Variants in PRIM2 observed in about 807,000 individuals in gnomAD.
PRIM2 encodes the protein DNA primase large subunit.
PRIM2 carries 39 observed loss-of-function variants against 67.3 expected under a neutral mutation model. The ratio of observed to expected loss-of-function variants is 0.58; its 90% CI spans 0.45 to 0.76. The LOEUF is 0.76. Ranked by LOEUF, PRIM2 falls within the 30% of genes least tolerant of loss-of-function variation. The pLI is 0.00. For missense variants in PRIM2, 398 were observed against 598.7 expected (o/e 0.66, Z 3.50); for synonymous variants, 143 against 198.7 (o/e 0.72, Z 2.36).
chr6:57,404,754 C>A (rs1399200729), intron 7 of PRIM2, among the ~76,000 whole-genome samples: 1 of 147,416 alleles, frequency 6.8e-6, no homozygotes, highest in East Asian at 2.0e-4. Flanking sequence ...GGTTTAAAGT[C>A]TAGCTACCTT....
At chr6:57,471,527 G>A (rs1249817127) in intron 7 of PRIM2, among the ~76,000 whole-genome samples, 1 of 152,154 alleles carries the variant, frequency 6.6e-6, no homozygotes, top group Non-Finnish European at 1.5e-5. Flanking sequence ...TGGTGAGGAA[G>A]GAAGAAAGAA....
intron 7 of PRIM2, among the ~76,000 whole-genome samples, chr6:57,461,828 C>T (rs1230742301): frequency 6.2e-4 from 94 of 152,192 alleles, no homozygotes; most frequent in African/African-American, 2.3e-3. Context: ...GAAATGATCA[C>T]TGAGAAATTA....
At chr6:57,228,574 C>A in the PRIM2 span, among the ~76,000 whole-genome samples, 1 of 152,318 alleles carries the variant, frequency 6.6e-6, no homozygotes, top group Non-Finnish European at 1.5e-5. Flanking sequence ...AAAGATGAGA[C>A]ATGTGCGATA....
chr6:57,458,277 C>A (rs1292887394), intron 7 of PRIM2, among the ~76,000 whole-genome samples: 3 of 152,170 alleles, frequency 2.0e-5, no homozygotes, highest in Non-Finnish European at 2.9e-5. Flanking sequence ...AGCTTTCAAT[C>A]AAAAGTTACG....
chr6:57,497,196 T>A (rs1774024513), intron 7 of PRIM2, among the ~76,000 whole-genome samples: 1 of 152,168 alleles, frequency 6.6e-6, no homozygotes, highest in African/African-American at 2.4e-5. Flanking sequence ...AGTTGATGGT[T>A]AGGGCATAAA....
chr6:57,509,758 A>T (rs1774322937), intron 8 of PRIM2, among the ~76,000 whole-genome samples: 1 of 150,710 alleles, frequency 6.6e-6, no homozygotes, highest in African/African-American at 2.4e-5. Flanking sequence ...TATTTATGTA[A>T]ATTTGTAGAT....
chr6:57,643,933 C>A (rs1484803707), intron 13 of PRIM2, among the ~76,000 whole-genome samples: 1 of 152,122 alleles, frequency 6.6e-6, no homozygotes, highest in Non-Finnish European at 1.5e-5. Flanking sequence ...TAAGTATTAC[C>A]AGAAAAGACT....
chr6:57,311,892 C>A (rs963659114), upstream of PRIM2, among the ~76,000 whole-genome samples: 1 of 151,760 alleles, frequency 6.6e-6, no homozygotes. Flanking sequence ...TCAGGAGTGG[C>A]GGCGCGTGCC....
the PRIM2 span, among the ~76,000 whole-genome samples, chr6:57,234,303 G>T: frequency 6.6e-6 from 1 of 152,062 alleles, no homozygotes; most frequent in African/African-American, 2.4e-5. Flanking sequence ...AAACACAAAA[G>T]GGTATCTACT....
At chr6:57,343,414 G>A (rs60682850) in intron 5 of PRIM2, among the ~76,000 whole-genome samples, 5,188 of 152,238 alleles carry the variant, frequency 0.034, 291 homozygotes, top group African/African-American at 0.12. Context: ...AAGTTGCAAA[G>A]CAATTTTTGT....
intron 5 of PRIM2, among the ~76,000 whole-genome samples, chr6:57,339,248 A>T (rs574283524): frequency 6.6e-6 from 1 of 152,340 alleles, no homozygotes; most frequent in South Asian, 2.1e-4. Context: ...CATGGGTAGG[A>T]AGAATCAATA....
intron 7 of PRIM2, among the ~76,000 whole-genome samples, chr6:57,433,000 GAC>G (rs1411056093): frequency 3.9e-5 from 6 of 152,270 alleles, no homozygotes; most frequent in Admixed American, 2.6e-4. Context: ...ATCAGGAGTT[GAC>G]ACACTAAAGC....
chr6:57,344,938 T>C (rs2127296507), intron 5 of PRIM2, among the ~76,000 whole-genome samples: 1 of 152,274 alleles, frequency 6.6e-6, no homozygotes, highest in Non-Finnish European at 1.5e-5. Context: ...AAAATTATCA[T>C]ATGCAGAAAT....
chr6:57,413,718 T>C (rs1460506456), intron 7 of PRIM2, among the ~76,000 whole-genome samples: 2 of 152,134 alleles, frequency 1.3e-5, no homozygotes, highest in Non-Finnish European at 2.9e-5. Flanking sequence ...AGTTAAAATT[T>C]TACTGGAGGA....
At chr6:57,455,035 C>T (rs7765569) in intron 7 of PRIM2, among the ~76,000 whole-genome samples, 2 of 152,126 alleles carry the variant, frequency 1.3e-5, no homozygotes, top group African/African-American at 4.8e-5. Context: ...GCCTTCATTT[C>T]ATTATGTACC....
At chr6:57,482,785 G>C (rs1773661857) in intron 7 of PRIM2, among the ~76,000 whole-genome samples, 1 of 152,132 alleles carries the variant, frequency 6.6e-6, no homozygotes, top group Non-Finnish European at 1.5e-5. Flanking sequence ...TTGTCAAGGA[G>C]ATTAAATACC....
the PRIM2 span, among the ~76,000 whole-genome samples, chr6:57,275,488 CA>C: frequency 6.6e-6 from 1 of 151,992 alleles, no homozygotes; most frequent in African/African-American, 2.4e-5. Context: ...GACTCTGTTT[CA>C]AAAAAACAAA....
At chr6:57,611,289 A>G (rs1201814133) in intron 12 of PRIM2, among the ~76,000 whole-genome samples, 1 of 152,218 alleles carries the variant, frequency 6.6e-6, no homozygotes, top group Non-Finnish European at 1.5e-5. Flanking sequence ...AGTACCAGAA[A>G]TCCAAAATAT....
At chr6:57,235,872 T>C in the PRIM2 span, among the ~76,000 whole-genome samples, 2 of 152,064 alleles carry the variant, frequency 1.3e-5, no homozygotes, top group African/African-American at 4.8e-5. Flanking sequence ...GCTTTCAAGA[T>C]GGAGAAGGGG....
Sources: gnomAD v4.1 joint callset for allele counts (sites outside exome capture counted in the v4.1 genomes callset) on GRCh38, gnomAD v4.1.1 for gene constraint, MANE v1.5 for transcripts, NCBI Gene and HGNC (gene_info 2026-07-23, HGNC 2026-07-21) for gene names.